The following NOS1AP variants were observed in gnomAD, a reference collection of about 807,000 sequenced individuals.
NOS1AP encodes the protein nitric oxide synthase 1 adaptor protein.
A neutral mutation model predicts 56.2 loss-of-function variants in NOS1AP; 21 were observed. The observed-to-expected ratio is 0.37, with a 90% CI of 0.26 to 0.54. The LOEUF (loss-of-function observed/expected upper bound fraction) is 0.54. Ranked by LOEUF, NOS1AP falls within the 20% of genes least tolerant of loss-of-function variation. The probability of loss-of-function intolerance (pLI) is 0.84; values close to 1 mark genes in which losing one functional copy is unlikely to be tolerated. For synonymous variants in NOS1AP, 270 were observed against 274.6 expected (o/e 0.98, Z 0.17); for missense variants, 522 against 657.8 (o/e 0.79, Z 2.26).
chr1:162,154,582 C>T (rs973696469), intron 2 of NOS1AP, 106 bp downstream of exon 2: 4 of 899,324 alleles, frequency 4.4e-6, no homozygotes, highest in Non-Finnish European at 7.2e-6. Context: ...ACACCCCTTG[C>T]AAACCCAAAC....
chr1:162,246,619 A>G (rs1299004301), intron 2 of NOS1AP, among the ~76,000 whole-genome samples: 1 of 152,192 alleles, frequency 6.6e-6, no homozygotes, highest in Non-Finnish European at 1.5e-5. Flanking sequence ...ATTAGAAATA[A>G]TACTGTACAG....
intron 1 of NOS1AP, among the ~76,000 whole-genome samples, chr1:162,085,423 A>G (rs956306929): frequency 2.0e-5 from 3 of 152,194 alleles, no homozygotes; most frequent in Non-Finnish European, 2.9e-5. Flanking sequence ...TCATAGGGTG[A>G]AAACATTGGA....
rs1345659297 is a variant in NOS1AP at position 162,261,458 on chromosome 1, A to T, written c.178-25886A>T. On this transcript the variant is annotated intron_variant, in intron 2 of 9. Coordinates refer to ENST00000361897, the MANE Select transcript of NOS1AP (RefSeq NM_014697.3). ...ACAAGAGTCCTTATAGAAGAGAGGC[A>T]GCGGGGAGTCAGAGAGAGAGAGAGA... 1.7e-4 allele frequency among the ~76,000 whole-genome samples: 12 copies of T among 70,738 alleles called. 3 individuals are homozygous for T. Among genetic ancestry groups the T allele is most frequent in the African/African-American group, 6.6e-4 (11 of 16,560 alleles). 46.4% of individuals were successfully genotyped at this position (70,738 alleles called of 152,430 possible).
chr1:162,174,950 C>T (rs186085340), intron 2 of NOS1AP, among the ~76,000 whole-genome samples: 3 of 152,226 alleles, frequency 2.0e-5, no homozygotes, highest in Non-Finnish European at 4.4e-5. Flanking sequence ...TGTAGAATCT[C>T]CTTTAACTGG....
chr1:162,272,525 C>T (rs1379072546), intron 2 of NOS1AP, among the ~76,000 whole-genome samples: 2 of 152,254 alleles, frequency 1.3e-5, no homozygotes, highest in East Asian at 1.9e-4. Flanking sequence ...ATAGAGATGA[C>T]GCGAGGAAGA....
chr1:162,322,321 A>T (rs1656448297), intron 4 of NOS1AP, among the ~76,000 whole-genome samples: 1 of 152,220 alleles, frequency 6.6e-6, no homozygotes, highest in Admixed American at 6.5e-5. Context: ...TGAGGTAGGC[A>T]GGTCAGAGCA....
chr1:162,155,448 TATATATATAG>T (rs1156720036), intron 2 of NOS1AP, among the ~76,000 whole-genome samples: 1 of 148,904 alleles, frequency 6.7e-6, no homozygotes, highest in East Asian at 2.0e-4. Flanking sequence ...TACATATATA[TATATATATAG>T]AGAGAGAGAG....
At chr1:162,362,276 C>T (rs1160486688) in intron 8 of NOS1AP, among the ~76,000 whole-genome samples, 1 of 152,068 alleles carries the variant, frequency 6.6e-6, no homozygotes, top group Admixed American at 6.5e-5. Context: ...CATGGGGAAA[C>T]CCCGTCTCTA....
chr1:162,174,358 A>T (rs1650956974), intron 2 of NOS1AP, among the ~76,000 whole-genome samples: 1 of 146,768 alleles, frequency 6.8e-6, no homozygotes, highest in South Asian at 2.3e-4. Context: ...GAATTGAAGA[A>T]TGAGAACACA....
chr1:162,176,002 T>C (rs1651041932), intron 2 of NOS1AP, among the ~76,000 whole-genome samples: 1 of 152,216 alleles, frequency 6.6e-6, no homozygotes, highest in East Asian at 1.9e-4. Context: ...TACAGTTCTT[T>C]TTGCCATTAG....
At chr1:162,311,091 G>A (rs951826225) in intron 4 of NOS1AP, among the ~76,000 whole-genome samples, 15 of 151,910 alleles carry the variant, frequency 9.9e-5, no homozygotes, top group African/African-American at 3.4e-4. Flanking sequence ...AAAGCCCTGG[G>A]TATGTCTTTG....
intron 2 of NOS1AP, among the ~76,000 whole-genome samples, chr1:162,200,633 G>A (rs2102165976): frequency 6.6e-6 from 1 of 152,328 alleles, no homozygotes; most frequent in East Asian, 1.9e-4. Context: ...GGTTCAGAGT[G>A]ATATCACCCC....
intron 1 of NOS1AP, among the ~76,000 whole-genome samples, chr1:162,096,976 T>A (rs1692258289): frequency 6.6e-6 from 1 of 152,202 alleles, no homozygotes; most frequent in South Asian, 2.1e-4. Flanking sequence ...GACCATAAGC[T>A]GAGCACATCC....
chr1:162,342,669 A>C, intron 5 of NOS1AP: 1 of 440,836 alleles, frequency 2.3e-6, no homozygotes, highest in Non-Finnish European at 4.7e-6. Flanking sequence ...AAAACACTGG[A>C]TATCAGTTAG....
chr1:162,259,584 G>A (rs979451659), intron 2 of NOS1AP, among the ~76,000 whole-genome samples: 2 of 152,102 alleles, frequency 1.3e-5, no homozygotes, highest in Admixed American at 6.5e-5. Flanking sequence ...GAATTTAACT[G>A]CATATGAGAT....
At chr1:162,099,901 C>A (rs901507503) in intron 1 of NOS1AP, among the ~76,000 whole-genome samples, 6 of 151,304 alleles carry the variant, frequency 4.0e-5, no homozygotes, top group African/African-American at 1.5e-4. Flanking sequence ...TTTGTCCTTG[C>A]GATAGTTTGC....
chr1:162,073,504 A>G (rs1389688317), intron 1 of NOS1AP, among the ~76,000 whole-genome samples: 1 of 152,178 alleles, frequency 6.6e-6, no homozygotes, highest in African/African-American at 2.4e-5. Flanking sequence ...CTTGTTGCCC[A>G]GGCTGGAGTG....
At chr1:162,345,185 T>C (rs1182284202) in intron 6 of NOS1AP, among the ~76,000 whole-genome samples, 1 of 152,060 alleles carries the variant, frequency 6.6e-6, no homozygotes, top group African/African-American at 2.4e-5. Context: ...CTTTAAGTTT[T>C]AGGGTACATG....
chr1:162,244,112 A>G (rs2101684380), intron 2 of NOS1AP, among the ~76,000 whole-genome samples: 1 of 152,282 alleles, frequency 6.6e-6, no homozygotes, highest in South Asian at 2.1e-4. Flanking sequence ...TGAAACTCAA[A>G]TTTTACATGT....
Sources: allele counts gnomAD v4.1 joint callset (sites outside exome capture counted in the v4.1 genomes callset), GRCh38; gene constraint gnomAD v4.1.1; transcripts MANE v1.5; gene names NCBI Gene and HGNC (gene_info 2026-07-23, HGNC 2026-07-21).